Variants in LYPLAL1 observed in about 807,000 individuals in gnomAD.
The protein encoded by LYPLAL1 is lysophospholipase-like protein 1.
A neutral mutation model predicts 19.7 loss-of-function variants in LYPLAL1; 23 were observed. That is an observed-to-expected ratio of 1.17 (90% CI 0.84 to 1.65). The LOEUF is 1.65. LYPLAL1 is among the 40% of genes most tolerant of loss of function. The pLI, the probability that LYPLAL1 is intolerant of heterozygous loss-of-function variation, is 0.00. For missense variants in LYPLAL1, 355 were observed against 279.4 expected, an observed-to-expected ratio of 1.27 and a Z score of -1.93; for synonymous variants, 119 against 96.3, an observed-to-expected ratio of 1.24 and a Z score of -1.38.
chr1:219,286,974 CA>C, the LYPLAL1 span, among the ~76,000 whole-genome samples: 1 of 152,164 alleles, frequency 6.6e-6, no homozygotes, highest in African/African-American at 2.4e-5. Context: ...GGAGGACACA[CA>C]ATGAGAGAAA....
the LYPLAL1 span, among the ~76,000 whole-genome samples, chr1:219,229,571 G>A: frequency 4.6e-5 from 7 of 152,300 alleles, 1 homozygote; most frequent in South Asian, 6.2e-4. Flanking sequence ...CTGTCCTAGC[G>A]ACAAGGTACA....
At chr1:219,391,623 G>A in the LYPLAL1 span, among the ~76,000 whole-genome samples, 3 of 151,358 alleles carry the variant, frequency 2.0e-5, no homozygotes, top group Non-Finnish European at 4.4e-5. Context: ...ACTGAAATCT[G>A]ATAATGAGAG....
chr1:219,292,496 A>T, the LYPLAL1 span, among the ~76,000 whole-genome samples: 1 of 152,118 alleles, frequency 6.6e-6, no homozygotes, highest in African/African-American at 2.4e-5. Context: ...CACTGATGCC[A>T]CCTTCTGCTG....
At chr1:219,408,030 G>T in the LYPLAL1 span, among the ~76,000 whole-genome samples, 1 of 152,098 alleles carries the variant, frequency 6.6e-6, no homozygotes, top group Non-Finnish European at 1.5e-5. Context: ...TTGGGGCTTG[G>T]AATTTCAACA....
chr1:219,331,514 AG>A, the LYPLAL1 span, among the ~76,000 whole-genome samples: 1 of 152,182 alleles, frequency 6.6e-6, no homozygotes, highest in East Asian at 1.9e-4. Context: ...TCATGGTAAT[AG>A]CAGAAGCATA....
chr1:219,174,036 C>T, intron 1 of LYPLAL1, 55 bp downstream of exon 1: 4 of 1,610,108 alleles, frequency 2.5e-6, no homozygotes, highest in Admixed American at 1.7e-5. Context: ...ATCCTCCCCT[C>T]GGTTACCCCA....
the LYPLAL1 span, among the ~76,000 whole-genome samples, chr1:219,359,897 C>T: frequency 6.6e-6 from 1 of 152,152 alleles, no homozygotes; most frequent in Non-Finnish European, 1.5e-5. Flanking sequence ...TGGGGCATGA[C>T]ATCCGGTTAT....
the LYPLAL1 span, among the ~76,000 whole-genome samples, chr1:219,229,713 A>G: frequency 6.6e-6 from 1 of 152,218 alleles, no homozygotes; most frequent in African/African-American, 2.4e-5. Context: ...TCGGAGCCCC[A>G]TAGCCTGCCC....
At chr1:219,408,734 G>A in the LYPLAL1 span, among the ~76,000 whole-genome samples, 37 of 152,194 alleles carry the variant, frequency 2.4e-4, no homozygotes, top group South Asian at 7.3e-3. Context: ...TCAGAAGTGA[G>A]AAAGGGAAAA....
the LYPLAL1 span, among the ~76,000 whole-genome samples, chr1:219,285,240 TTAAAG>T: frequency 2.6e-5 from 4 of 152,320 alleles, no homozygotes; most frequent in East Asian, 5.8e-4. Flanking sequence ...GAAATCAGAA[TTAAAG>T]TAAAGATTAG....
At chr1:219,200,025 T>C in intron 3 of LYPLAL1, 1 of 232,090 alleles carries the variant, frequency 4.3e-6, no homozygotes, top group Admixed American at 4.0e-5. Flanking sequence ...AGTGAGCCCA[T>C]TATCCCCACA....
At chr1:219,423,673 TTTGAATATTC>T in the LYPLAL1 span, among the ~76,000 whole-genome samples, 2 of 152,168 alleles carry the variant, frequency 1.3e-5, no homozygotes, top group African/African-American at 4.8e-5. Context: ...GGAGAGATTA[TTTGAATATTC>T]TTTAATTAGA....
the LYPLAL1 span, among the ~76,000 whole-genome samples, chr1:219,357,390 A>T: frequency 2.6e-5 from 4 of 152,200 alleles, no homozygotes; most frequent in Non-Finnish European, 5.9e-5. Context: ...GAAAACAAGG[A>T]ACATAATTTA....
At chr1:219,278,671 A>G in the LYPLAL1 span, among the ~76,000 whole-genome samples, 2 of 101,986 alleles carry the variant, frequency 2.0e-5, no homozygotes, top group Non-Finnish European at 4.3e-5. Context: ...GTCACATAAA[A>G]ATCACTAAAC....
chr1:219,361,336 G>A, the LYPLAL1 span, among the ~76,000 whole-genome samples: 1 of 152,172 alleles, frequency 6.6e-6, no homozygotes, highest in African/African-American at 2.4e-5. Context: ...TCATAGTGTA[G>A]TTTATCTGTC....
the LYPLAL1 span, among the ~76,000 whole-genome samples, chr1:219,332,336 C>T: frequency 5.9e-5 from 9 of 152,142 alleles, no homozygotes; most frequent in African/African-American, 2.2e-4. Flanking sequence ...CCTGTTTGTT[C>T]AAACCATCCC....
chr1:219,302,577 A>G, the LYPLAL1 span, among the ~76,000 whole-genome samples: 1 of 151,826 alleles, frequency 6.6e-6, no homozygotes, highest in Non-Finnish European at 1.5e-5. Context: ...CTGAGTCTCA[A>G]TTTTTTTTCA....
intron 2 of LYPLAL1, among the ~76,000 whole-genome samples, chr1:219,190,181 A>C (rs191852620): frequency 2.4e-3 from 358 of 151,760 alleles, no homozygotes; most frequent in Non-Finnish European, 4.2e-3. Flanking sequence ...CATGTATGAT[A>C]TAGAACGAGC....
the LYPLAL1 span, among the ~76,000 whole-genome samples, chr1:219,362,901 G>T: frequency 1.3e-5 from 2 of 152,108 alleles, no homozygotes; most frequent in Admixed American, 1.3e-4. Context: ...AGAGGCTATT[G>T]TGATTGCTCA....
Sources: gnomAD v4.1 joint callset for allele counts (sites outside exome capture counted in the v4.1 genomes callset) on GRCh38, gnomAD v4.1.1 for gene constraint, MANE v1.5 for transcripts, NCBI Gene and HGNC (gene_info 2026-07-23, HGNC 2026-07-21) for gene names.